The following CDC42SE2 variants were observed in gnomAD, a reference collection of about 807,000 sequenced individuals.
CDC42SE2 encodes the protein CDC42 small effector 2, also known as CDC42 small effector protein 2.
A neutral mutation model predicts 11.5 loss-of-function variants in CDC42SE2; 3 were observed. That is an observed-to-expected ratio of 0.26 (90% confidence interval 0.12 to 0.67). The LOEUF is 0.67. Among genes scored for constraint, CDC42SE2 ranks in the 30% least tolerant of loss-of-function variants. The probability of loss-of-function intolerance (pLI) is 0.80; values close to 1 mark genes in which losing one functional copy is unlikely to be tolerated. For synonymous variants in CDC42SE2, 33 were observed against 34.8 expected, an observed-to-expected ratio of 0.95 and a Z score of 0.18; for missense variants, 82 against 106.8, an observed-to-expected ratio of 0.77 and a Z score of 1.02.
intron 3 of CDC42SE2, among the ~76,000 whole-genome samples, chr5:131,373,526 G>A (rs1450546768): frequency 6.6e-6 from 1 of 152,152 alleles, no homozygotes; most frequent in Non-Finnish European, 1.5e-5. Context: ...ACCTGCAATT[G>A]TGGTTTCCCC....
chr5:131,317,239 A>G (rs1009094457), intron 2 of CDC42SE2, among the ~76,000 whole-genome samples: 22 of 152,144 alleles, frequency 1.4e-4, no homozygotes, highest in African/African-American at 3.9e-4. Flanking sequence ...TACTCCAGAC[A>G]ATGTTGCCTT....
At chr5:131,252,628 C>G (rs1315009688) in intron 1 of CDC42SE2, among the ~76,000 whole-genome samples, 1 of 152,158 alleles carries the variant, frequency 6.6e-6, no homozygotes, top group Non-Finnish European at 1.5e-5. Flanking sequence ...TGCACTCCAG[C>G]CTGGGTGACA....
chr5:131,387,438 C>T (rs1412575221), intron 4 of CDC42SE2, among the ~76,000 whole-genome samples: 3 of 151,960 alleles, frequency 2.0e-5, no homozygotes, highest in African/African-American at 4.8e-5. Flanking sequence ...GTGGTTCCAG[C>T]TGTTTGGGAG....
At chr5:131,333,046 G>C (rs950629858) in intron 2 of CDC42SE2, among the ~76,000 whole-genome samples, 1 of 152,130 alleles carries the variant, frequency 6.6e-6, no homozygotes, top group Non-Finnish European at 1.5e-5. Context: ...CCTTGCCCGT[G>C]CCTATACCTG....
chr5:131,321,411 A>G (rs989931179), intron 2 of CDC42SE2, among the ~76,000 whole-genome samples: 4 of 152,242 alleles, frequency 2.6e-5, no homozygotes, highest in East Asian at 1.9e-4. Context: ...TGATAGTCCT[A>G]GTTATTTGGG....
chr5:131,247,851 G>C (rs1267259514), intron 1 of CDC42SE2, among the ~76,000 whole-genome samples: 2 of 152,070 alleles, frequency 1.3e-5, no homozygotes, highest in East Asian at 3.9e-4. Flanking sequence ...TGTTTTCCCA[G>C]CCTGGTCTTG....
chr5:131,344,198 G>A (rs1042503094), intron 2 of CDC42SE2, among the ~76,000 whole-genome samples: 5 of 152,124 alleles, frequency 3.3e-5, no homozygotes, highest in Admixed American at 1.3e-4. Flanking sequence ...GGAGCAGGGC[G>A]GGGCATCGCC....
intron 1 of CDC42SE2, among the ~76,000 whole-genome samples, chr5:131,312,401 G>A (rs1757941144): frequency 6.6e-6 from 1 of 152,184 alleles, no homozygotes; most frequent in African/African-American, 2.4e-5. Flanking sequence ...TTGTTTGTCT[G>A]TGCCCTGCCC....
the CDC42SE2 span, among the ~76,000 whole-genome samples, chr5:131,233,463 GT>G: frequency 6.6e-6 from 1 of 152,164 alleles, no homozygotes; most frequent in Non-Finnish European, 1.5e-5. Context: ...CGCCTCCTGG[GT>G]TCAAGTGATT....
chr5:131,321,974 C>G (rs1283140543), intron 2 of CDC42SE2, among the ~76,000 whole-genome samples: 1 of 152,190 alleles, frequency 6.6e-6, no homozygotes, highest in Non-Finnish European at 1.5e-5. Context: ...CCTCAGCCTC[C>G]CAAGTAGCTG....
intron 2 of CDC42SE2, among the ~76,000 whole-genome samples, chr5:131,327,122 T>C (rs1213107376): frequency 6.6e-6 from 1 of 152,242 alleles, no homozygotes; most frequent in African/African-American, 2.4e-5. Context: ...CCCTTTCCCT[T>C]TTGACTAACT....
the CDC42SE2 span, among the ~76,000 whole-genome samples, chr5:131,212,798 C>T: frequency 3.9e-5 from 6 of 152,006 alleles, no homozygotes; most frequent in South Asian, 2.1e-4. Flanking sequence ...TAAAAGGACA[C>T]GGAGGTCAGA....
the CDC42SE2 span, among the ~76,000 whole-genome samples, chr5:131,213,244 G>A: frequency 6.6e-6 from 1 of 151,808 alleles, no homozygotes; most frequent in Non-Finnish European, 1.5e-5. Flanking sequence ...TAGAGAGAGA[G>A]GGAAAAGGGG....
intron 1 of CDC42SE2, among the ~76,000 whole-genome samples, chr5:131,274,257 C>T (rs1012559604): frequency 6.6e-6 from 1 of 152,122 alleles, no homozygotes; most frequent in African/African-American, 2.4e-5. Flanking sequence ...CAGTAATTGT[C>T]CCCATTCCCG....
intron 2 of CDC42SE2, among the ~76,000 whole-genome samples, chr5:131,329,902 A>G (rs1353172621): frequency 2.2e-4 from 12 of 55,416 alleles, no homozygotes; most frequent in African/African-American, 1.3e-3. Context: ...AAAAAAAAAA[A>G]AAAAAAAAAA....
chr5:131,262,717 T>C (rs1488787788), upstream of CDC42SE2, among the ~76,000 whole-genome samples: 3 of 152,232 alleles, frequency 2.0e-5, no homozygotes, highest in Non-Finnish European at 4.4e-5. Context: ...AAATTATCTA[T>C]AGATTACTTA....
chr5:131,298,095 T>G (rs951217667), intron 1 of CDC42SE2, among the ~76,000 whole-genome samples: 3 of 151,900 alleles, frequency 2.0e-5, no homozygotes, highest in Non-Finnish European at 4.4e-5. Context: ...TCAGCTGCTG[T>G]CTAGTCATCT....
intron 3 of CDC42SE2, among the ~76,000 whole-genome samples, chr5:131,372,400 G>T (rs1444595373): frequency 6.6e-6 from 1 of 151,990 alleles, no homozygotes; most frequent in African/African-American, 2.4e-5. Flanking sequence ...TCATGTGAGG[G>T]CTGGTTCTCT....
At chr5:131,314,693 A>C (rs73249227) in intron 1 of CDC42SE2, among the ~76,000 whole-genome samples, 2 of 152,310 alleles carry the variant, frequency 1.3e-5, no homozygotes, top group African/African-American at 4.8e-5. Context: ...CAGAGTTAGC[A>C]TAGCCTCTTA....
Sources: gnomAD v4.1 joint callset for allele counts (sites outside exome capture counted in the v4.1 genomes callset) on GRCh38, gnomAD v4.1.1 for gene constraint, MANE v1.5 for transcripts, NCBI Gene and HGNC (gene_info 2026-07-23, HGNC 2026-07-21) for gene names.